The following GZF1 variants were observed in gnomAD, a reference collection of about 807,000 sequenced individuals.
The protein encoded by GZF1 is GDNF-inducible zinc finger protein 1.
Under a neutral mutation model 49.4 loss-of-function variants are expected in GZF1, and 28 were observed. That is an observed-to-expected ratio of 0.57 (90% confidence interval 0.42 to 0.78). The LOEUF (loss-of-function observed/expected upper bound fraction) is 0.78, where lower values mean the gene tolerates loss of function less well. Ranked by LOEUF, GZF1 falls within the 30% of genes least tolerant of loss-of-function variation. The probability of loss-of-function intolerance (pLI) is 0.00; values close to 1 mark genes in which losing one functional copy is unlikely to be tolerated. For synonymous variants in GZF1, 364 were observed against 356.0 expected, an observed-to-expected ratio of 1.02 and a Z score of -0.25; for missense variants, 798 against 916.2, an observed-to-expected ratio of 0.87 and a Z score of 1.67.
intron 4 of GZF1, among the ~76,000 whole-genome samples, chr20:23,369,181 C>G (rs1017489447): frequency 2.6e-5 from 4 of 152,184 alleles, no homozygotes; most frequent in Non-Finnish European, 4.4e-5. Context: ...AAAGGACAGA[C>G]AGCTTAGTCA....
rs1466822946 is a variant in GZF1, at chr20:23,371,162, T to C, written c.*721T>C. The C allele has an allele frequency of 6.6e-6, 1 of 152,652 alleles. No homozygotes were observed. The highest frequency in any genetic ancestry group is 1.9e-4 in the East Asian group (1 of 5,204). The allele number at this position is 152,652 out of a possible 1,614,324, so 9.5% of individuals were successfully genotyped here. A position where few individuals can be genotyped will look rare whatever the true frequency, so the allele number is the denominator to read the frequency against. On this transcript the variant is annotated 3_prime_UTR_variant, in exon 6 of 6. Transcript: ENST00000338121. ...ATGAGATGAGGCTGTTCAGTTTGTCTTAAAAAAATCAGATTAGGTAAAAGC... is the reference window on the plus strand; with the variant it reads ...ATGAGATGAGGCTGTTCAGTTTGTCCTAAAAAAATCAGATTAGGTAAAAGC...
At chr20:23,366,609 A>T (rs1981427513) in intron 2 of GZF1, among the ~76,000 whole-genome samples, 1 of 152,192 alleles carries the variant, frequency 6.6e-6, no homozygotes, top group African/African-American at 2.4e-5. Flanking sequence ...TGATCATGTG[A>T]CACTTAATCA....
At chr20:23,361,971 A>T (rs898556024), upstream of GZF1, among the ~76,000 whole-genome samples, 1 of 152,098 alleles carries the variant, frequency 6.6e-6, no homozygotes, top group African/African-American at 2.4e-5. Context: ...GCGGCGGGTG[A>T]CGCAATGCGG....
At position 23,365,337 on chromosome 20, in the gene GZF1, G is replaced by T. The variant is rs6114068; in HGVS notation, c.954G>T (p.Lys318Asn). 1 of 1,610,898 alleles carries T rather than the reference G, an allele frequency of 6.2e-7. No homozygotes were observed. The highest frequency in any genetic ancestry group is 8.5e-7 in the Non-Finnish European group (1 of 1,177,938). The change falls in exon 2 of 6, where the codon AAG becomes AAT. Residue 318 changes from lysine (K) to asparagine (N), a missense_variant. Physicochemically the swap from Lys to Asn is moderately conservative, Grantham distance 94 (BLOSUM62 0). This residue lies in a region of GZF1 where 446 missense variants were observed against 540.1 expected (regional missense o/e 0.83). Coordinates refer to ENST00000338121, the MANE Select transcript of GZF1 (RefSeq NM_022482.5). ...EEGEKKKSNF[K>N]CSICEKAFLY... is the part of the protein sequence containing the mutation. ...GGGAGAAGAAGAAGAGCAACTTTAA[G>T]TGCAGCATTTGCGAGAAGGCGTTTC...
rs747369250 is a variant in GZF1, at chr20:23,372,042, T to C, written c.*1601T>C. 6.6e-6 allele frequency: 1 copy of C among 152,602 alleles called. No homozygotes were observed. The highest frequency in any genetic ancestry group is 1.5e-5 in the Non-Finnish European group (1 of 68,036). The allele number at this position is 152,602 out of a possible 1,614,324, so 9.5% of individuals were successfully genotyped here. A position where few individuals can be genotyped will look rare whatever the true frequency, so the allele number is the denominator to read the frequency against. ...CAGTGTCACTGTATCCTAGTTATGT[T>C]TACAGCACAAATAAATAATGACTGT... On this transcript the variant is annotated 3_prime_UTR_variant, in exon 6 of 6. Coordinates refer to ENST00000338121, the MANE Select transcript of GZF1 (RefSeq NM_022482.5).
chr20:23,364,705 C>T lies in GZF1; in HGVS notation c.322C>T (p.Arg108Ter), dbSNP rs747704995. The change falls in exon 2 of 6, where the codon CGA becomes TGA. Residue 108 changes from arginine to a stop codon, truncating the protein, a stop_gained. Transcript: ENST00000338121. LOFTEE classifies it high-confidence loss of function. ...KVQVEEDRVQRMLEVAEKLKC... is the reference protein window; with the variant it reads ...KVQVEEDRVQ ...ACAGGTGGAAGAAGATCGGGTGCAGCGAATGCTGGAAGTGGCTGAAAAGCT... is the reference window on the plus strand; with the variant it reads ...ACAGGTGGAAGAAGATCGGGTGCAGTGAATGCTGGAAGTGGCTGAAAAGCT... 3.1e-6 allele frequency: 5 copies of T among 1,614,206 alleles called. No homozygotes were observed. Among genetic ancestry groups the T allele is most frequent in the Non-Finnish European group, 4.2e-6 (5 of 1,180,026 alleles).
chr20:23,370,010 G>C, intron 5 of GZF1, 81 bp from the exon 6 acceptor site: 1 of 1,227,940 alleles, frequency 8.1e-7, no homozygotes, highest in Non-Finnish European at 1.2e-6. Flanking sequence ...GAAAATTGAA[G>C]TTGTAGAGGG....
intron 2 of GZF1, 145 bp from the exon 3 acceptor site, chr20:23,366,858 A>C: frequency 1.5e-6 from 1 of 645,944 alleles, no homozygotes; most frequent in Non-Finnish European, 2.8e-6. Flanking sequence ...TTTGGGATGG[A>C]GATTATGGGC....
At chr20:23,369,417 G>C (rs571732860) in intron 4 of GZF1, among the ~76,000 whole-genome samples, 167 bp from the exon 5 acceptor site, 1 of 152,278 alleles carries the variant, frequency 6.6e-6, no homozygotes, top group African/African-American at 2.4e-5. Flanking sequence ...GTATTATAGA[G>C]ATAGTGGATT....
At chr20:23,367,912 T>C (rs566011734) in intron 3 of GZF1, among the ~76,000 whole-genome samples, 2 of 152,354 alleles carry the variant, frequency 1.3e-5, no homozygotes, top group East Asian at 1.9e-4. Flanking sequence ...AAACACTGGC[T>C]TACAAGCCTC....
intron 2 of GZF1, among the ~76,000 whole-genome samples, chr20:23,366,647 G>C (rs1394684941): frequency 2.0e-5 from 3 of 152,170 alleles, no homozygotes; most frequent in South Asian, 2.1e-4. Flanking sequence ...GTTTGTGGCT[G>C]ATTATTCTGT....
At position 23,365,678 on chromosome 20, in the gene GZF1, A is replaced by T; in HGVS notation, c.1295A>T (p.Asp432Val). Residue 432 changes from aspartate (D) to valine (V), a missense_variant, in exon 2 of 6, where the codon GAC (aspartate) becomes GTC (valine). Transcript: ENST00000338121. Reference sequence around the variant, plus strand: ...CTGCACGAGCGCACACACACGGGAGACCGGCCCTACGGCTGCACCGAGTGC... The same window carrying T: ...CTGCACGAGCGCACACACACGGGAGTCCGGCCCTACGGCTGCACCGAGTGC... ...LRLHERTHTG[D>V]RPYGCTECGA... 1 of 1,594,422 alleles carries T rather than the reference A, an allele frequency of 6.3e-7. No homozygotes were observed. The highest frequency in any genetic ancestry group is 8.5e-7 in the Non-Finnish European group (1 of 1,175,676).
rs1568590467 is a variant in GZF1 at position 23,370,020 on chromosome 20, G to C, written c.1786-71G>C. 4 of 1,294,758 alleles carry C rather than the reference G, an allele frequency of 3.1e-6. No homozygotes were observed. The African/African-American group carries it at 4.4e-5, about 14-fold the overall frequency. The allele number at this position is 1,294,758 out of a possible 1,614,324, so 80.2% of individuals were successfully genotyped here. A position where few individuals can be genotyped will look rare whatever the true frequency, so the allele number is the denominator to read the frequency against. ...AAGTTGAAAATTGAAGTTGTAGAGG[G>C]ACTATTGTTTTAAAAGATGCACTTG... is the stretch of plus-strand genomic sequence containing the variant. On this transcript the variant is annotated intron_variant, in intron 5 of 5. Coordinates refer to ENST00000338121, the MANE Select transcript of GZF1 (RefSeq NM_022482.5).
chr20:23,361,949 A>T (rs1439891899), upstream of GZF1, among the ~76,000 whole-genome samples: 5 of 152,154 alleles, frequency 3.3e-5, no homozygotes, highest in African/African-American at 9.6e-5. Context: ...GCGCAGGCGC[A>T]GGCCTTGGCT....
Position 23,373,005 on chromosome 20 carries a change from T to C in GZF1, c.*2564T>C, listed in dbSNP as rs1323435503. The C allele has an allele frequency of 6.6e-6, 1 of 152,226 alleles. No individual in the cohort carries two copies. Among genetic ancestry groups the C allele is most frequent in the African/African-American group, 2.4e-5 (1 of 41,458 alleles). 9.4% of individuals were successfully genotyped at this position (152,226 alleles called of 1,614,324 possible). A position where few individuals can be genotyped will look rare whatever the true frequency, so the allele number is the denominator to read the frequency against. ...CAAACAAGTAAATTTGAGTGTATAATTTAATTTTTAACCTGTTAAATAAAC... is the reference window on the plus strand; with the variant it reads ...CAAACAAGTAAATTTGAGTGTATAACTTAATTTTTAACCTGTTAAATAAAC... On this transcript the variant is annotated 3_prime_UTR_variant, in exon 6 of 6. Coordinates refer to ENST00000338121, the MANE Select transcript of GZF1 (RefSeq NM_022482.5).
In GZF1 at chr20:23,364,986, C is replaced by G; in HGVS notation, c.603C>G (p.Ser201=). 1.2e-6 allele frequency: 2 copies of G among 1,614,198 alleles called. No homozygotes were observed. Among genetic ancestry groups the G allele is most frequent in the Non-Finnish European group, 8.5e-7 (1 of 1,180,046 alleles). Residue 201 remains serine (S), a synonymous_variant, in exon 2 of 6, where the codon TCC becomes TCG. Transcript: ENST00000338121. ...GMSSDLPPKK[S]KDKLDKKKEV... is the part of the protein sequence containing the mutation. Reference sequence around the variant, plus strand: ...CTTCAGATTTGCCACCGAAGAAGTCCAAGGACAAACTAGACAAGAAGAAAG... The same window carrying G: ...CTTCAGATTTGCCACCGAAGAAGTCGAAGGACAAACTAGACAAGAAGAAAG...
rs1982165463 is a variant in GZF1 at position 23,372,462 on chromosome 20, GA to G, written c.*2024del. ...TCTGGCAGTGGGATCCTGGAGAGGA[GA>G]AATCCTGGCCTCTGCTCATGCGCAG... On this transcript the variant is annotated 3_prime_UTR_variant, in exon 6 of 6. Transcript: ENST00000338121. The G allele has an allele frequency of 6.6e-6, 1 of 152,242 alleles. No individual in the cohort carries two copies. The highest frequency in any genetic ancestry group is 1.5e-5 in the Non-Finnish European group (1 of 68,050). 9.4% of individuals were successfully genotyped at this position (152,242 alleles called of 1,614,324 possible).
chr20:23,361,673 G>C (rs890861889), upstream of GZF1, among the ~76,000 whole-genome samples: 7 of 152,204 alleles, frequency 4.6e-5, no homozygotes, highest in African/African-American at 1.7e-4. Flanking sequence ...GTGAGTACCA[G>C]CTCCAAGCCC....
In GZF1 at chr20:23,365,406, C is replaced by T; in HGVS notation, c.1023C>T (p.Gly341=). 6.2e-7 allele frequency: 1 copy of T among 1,613,806 alleles called. No individual in the cohort carries two copies. Among genetic ancestry groups the T allele is most frequent in the Non-Finnish European group, 8.5e-7 (1 of 1,180,004 alleles). The change falls in exon 2 of 6, where the codon GGC becomes GGT. Residue 341 remains glycine, a synonymous_variant. Coordinates refer to ENST00000338121, the MANE Select transcript of GZF1 (RefSeq NM_022482.5). ...SFLKHSKHRH[G]VATEVVYRCD... ...TGAAGCACAGCAAGCACCGCCACGG[C>T]GTGGCCACCGAGGTGGTGTACCGCT... is the stretch of plus-strand genomic sequence containing the variant.
Sources: gnomAD v4.1 joint callset for allele counts (sites outside exome capture counted in the v4.1 genomes callset) on GRCh38, gnomAD v4.1.1 for gene constraint, gnomAD v4.1.1 regional missense constraint, MANE v1.5 for transcripts, NCBI Gene and HGNC (gene_info 2026-07-23, HGNC 2026-07-21) for gene names.